Variants in BCLAF1 observed in about 807,000 individuals in gnomAD.
BCLAF1 encodes the protein bcl-2-associated transcription factor 1.
Under a neutral mutation model 99.5 loss-of-function variants are expected in BCLAF1, and 10 were observed. The observed-to-expected ratio is 0.10, with a 90% CI of 0.06 to 0.17. The LOEUF (loss-of-function observed/expected upper bound fraction) is 0.17. Among genes scored for constraint, BCLAF1 ranks in the 10% least tolerant of loss-of-function variants. BCLAF1 has a pLI of 1.00. For missense variants in BCLAF1, 636 were observed against 1,105.8 expected (o/e 0.58, Z 6.02); for synonymous variants, 255 against 370.9 (o/e 0.69, Z 3.59).
intron 8 of BCLAF1, 89 bp from the exon 9 acceptor site, chr6:136,269,701 C>T: frequency 8.2e-6 from 8 of 977,380 alleles, no homozygotes; most frequent in Non-Finnish European, 1.1e-5. Flanking sequence ...TTTATGCCAG[C>T]TTCTAAACTG....
chr6:136,268,404 C>T, intron 9 of BCLAF1, 65 bp from the exon 10 acceptor site: 1 of 1,372,868 alleles, frequency 7.3e-7, no homozygotes, highest in South Asian at 1.3e-5. Context: ...CTGAATCTTA[C>T]AACAGAAGAG....
intron 6 of BCLAF1, among the ~76,000 whole-genome samples, chr6:136,274,620 T>C (rs1783001860): frequency 6.6e-6 from 1 of 152,034 alleles, no homozygotes; most frequent in South Asian, 2.1e-4. Context: ...TACATTGAGC[T>C]GTTCTCATGT....
At chr6:136,276,842 T>C (rs1783495528) in intron 4 of BCLAF1, among the ~76,000 whole-genome samples, 1 of 152,178 alleles carries the variant, frequency 6.6e-6, no homozygotes, top group Admixed American at 6.6e-5. Context: ...TAAGAACCAC[T>C]AATAGATAAT....
intron 1 of BCLAF1, among the ~76,000 whole-genome samples, chr6:136,284,130 G>GTATATATATATATATATATATA (rs60218804): frequency 4.1e-5 from 5 of 122,096 alleles, no homozygotes; most frequent in East Asian, 2.2e-4. Flanking sequence ...GTGTGTGTGT[G>GTATATATATATATATATATATA]TATATATATA....
At position 136,276,134 on chromosome 6, in the gene BCLAF1, G is replaced by C. The variant is rs776896904; in HGVS notation, c.1391C>G (p.Thr464Ser). 1 of 1,613,108 alleles carries C rather than the reference G, an allele frequency of 6.2e-7. No individual in the cohort carries two copies. Among genetic ancestry groups the C allele is most frequent in the Non-Finnish European group, 8.5e-7 (1 of 1,179,826 alleles). ...REEKNYKLKE[T>S]GYVVERPSTT... ...GCTAGGCCTTTCCACTACATATCCA[G>C]TCTCTTTAAGTTTATAATTTTTTTC... is the stretch of plus-strand genomic sequence containing the variant. The change falls in exon 5 of 13, where the codon ACT becomes AGT. Residue 464 changes from threonine (T) to serine (S), a missense_variant. Physicochemically the swap from Thr to Ser is moderately conservative, Grantham distance 58. Around this residue, in one of 9 missense-constraint regions of BCLAF1, gnomAD observed 186 missense variants for 275.3 expected, o/e 0.68. Transcript: ENST00000531224.
At chr6:136,274,028 G>A in intron 6 of BCLAF1, 3 of 1,284,320 alleles carry the variant, frequency 2.3e-6, no homozygotes, top group Non-Finnish European at 3.0e-6. Flanking sequence ...TACAAGGGTA[G>A]TGCCTCAATC....
At chr6:136,277,777 C>G in intron 4 of BCLAF1, 88 bp downstream of exon 4, 1 of 1,439,494 alleles carries the variant, frequency 6.9e-7, no homozygotes, top group South Asian at 1.5e-5. Context: ...TAGTTAAATA[C>G]ATATCACAAT....
At chr6:136,268,089 A>G (rs1374508268) in intron 10 of BCLAF1, 73 bp downstream of exon 10, 3 of 1,322,966 alleles carry the variant, frequency 2.3e-6, no homozygotes, top group South Asian at 1.7e-5. Context: ...TAAATCATGT[A>G]TATGACCTTC....
intron 11 of BCLAF1, 76 bp from the exon 12 acceptor site, chr6:136,261,553 G>A: frequency 7.0e-7 from 1 of 1,423,190 alleles, no homozygotes; most frequent in Non-Finnish European, 9.7e-7. Context: ...ATAAATCACA[G>A]TATTAATCTT....
At chr6:136,279,951 C>A in intron 2 of BCLAF1, 75 bp from the exon 3 acceptor site, 1 of 1,298,854 alleles carries the variant, frequency 7.7e-7, no homozygotes, top group Non-Finnish European at 9.9e-7. Flanking sequence ...TACTTATTTT[C>A]AGATAAAATT....
Position 136,261,282 on chromosome 6 carries a change from T to G in BCLAF1, c.2740A>C (p.Arg914=), listed in dbSNP as rs770223828. 6.2e-7 allele frequency: 1 copy of G among 1,613,366 alleles called. No homozygotes were observed. The highest frequency in any genetic ancestry group is 2.2e-5 in the East Asian group (1 of 44,884). Reference sequence around the variant, plus strand: ...TTTTATACCTTTTCTTCCTTGCGTCTGTCCTTCTTTTCTTCATTATTTTCC... The same window carrying G: ...TTTTATACCTTTTCTTCCTTGCGTCGGTCCTTCTTTTCTTCATTATTTTCC... ...TMENNEEKKD[R]RKEEKE is the part of the protein sequence containing the mutation. The change falls in exon 12 of 13, where the codon AGA becomes CGA. Residue 914 remains arginine (R), a synonymous_variant. Transcript: ENST00000531224.
At chr6:136,281,575 C>G (rs898284207) in intron 2 of BCLAF1, among the ~76,000 whole-genome samples, 1 of 152,196 alleles carries the variant, frequency 6.6e-6, no homozygotes, top group African/African-American at 2.4e-5. Flanking sequence ...CTGAGATAAT[C>G]AGACACACTA....
intron 3 of BCLAF1, 74 bp downstream of exon 3, chr6:136,279,689 C>T (rs1420386902): frequency 3.8e-6 from 5 of 1,312,068 alleles, no homozygotes; most frequent in Non-Finnish European, 4.9e-6. Context: ...GGGTTTAGCA[C>T]TGTGTTTACG....
rs1387846682 is a variant in BCLAF1, at chr6:136,257,065, A to G, written c.*4045T>C. On this transcript the variant is annotated 3_prime_UTR_variant, in exon 13 of 13. Coordinates refer to ENST00000531224, the MANE Select transcript of BCLAF1 (RefSeq NM_014739.3). Reference sequence around the variant, plus strand: ...TGAAATCTGGAAGCTGGCCAACCCCAAAAGATTAAGAAAAATTCGATGTAT... The same window carrying G: ...TGAAATCTGGAAGCTGGCCAACCCCGAAAGATTAAGAAAAATTCGATGTAT... 1 of 152,204 alleles carries G rather than the reference A, an allele frequency of 6.6e-6. No homozygotes were observed. The highest frequency in any genetic ancestry group is 1.5e-5 in the Non-Finnish European group (1 of 68,034). 9.4% of individuals were successfully genotyped at this position (152,204 alleles called of 1,614,324 possible).
At chr6:136,279,072 G>T (rs1342872816) in intron 3 of BCLAF1, among the ~76,000 whole-genome samples, 1 of 151,182 alleles carries the variant, frequency 6.6e-6, no homozygotes, top group Admixed American at 6.6e-5. Context: ...TTAGCAAATT[G>T]TAGTACCTCT....
chr6:136,284,105 T>C (rs906655862), intron 1 of BCLAF1, among the ~76,000 whole-genome samples: 1 of 132,568 alleles, frequency 7.5e-6, no homozygotes, highest in African/African-American at 3.0e-5. Context: ...TATATATATA[T>C]ATACATATAT....
rs1197253330 is a variant in BCLAF1 at position 136,264,632 on chromosome 6, T to C, written c.2544+2397A>G. ...TTTTCTTCTGAATCATATTTTTCCT[T>C]CTTTTCCCTCAACATTCCTTTACAT... is the stretch of plus-strand genomic sequence containing the variant. On this transcript the variant is annotated intron_variant, in intron 11 of 12. Transcript: ENST00000531224. 2.1e-4 allele frequency among the ~76,000 whole-genome samples: 32 copies of C among 152,102 alleles called. 1 individual carries two copies. The highest frequency in any genetic ancestry group is 1.5e-5 in the Non-Finnish European group (1 of 68,046).
chr6:136,261,249 A>G lies in BCLAF1; in HGVS notation c.2757+16T>C. ...TCAAAAAAAATCTGTCAGAATCACA[A>G]GTTGAAATTTTATACCTTTTCTTCC... On this transcript the variant is annotated intron_variant, in intron 12 of 12. Coordinates refer to ENST00000531224, the MANE Select transcript of BCLAF1 (RefSeq NM_014739.3). 2 of 1,607,170 alleles carry G rather than the reference A, an allele frequency of 1.2e-6. No individual in the cohort carries two copies. The highest frequency in any genetic ancestry group is 1.7e-4 in the Middle Eastern group (1 of 6,018).
At chr6:136,288,089 CTT>C (rs1228441570) in intron 1 of BCLAF1, among the ~76,000 whole-genome samples, 2 of 152,212 alleles carry the variant, frequency 1.3e-5, no homozygotes, top group African/African-American at 4.8e-5. Flanking sequence ...GTCTTCAAGT[CTT>C]ATACTACCAC....
Sources: allele counts gnomAD v4.1 joint callset (sites outside exome capture counted in the v4.1 genomes callset), GRCh38; gene constraint gnomAD v4.1.1; regional missense constraint gnomAD v4.1.1; transcripts MANE v1.5; gene names NCBI Gene and HGNC (gene_info 2026-07-23, HGNC 2026-07-21).